The following SLC41A2 variants were observed in gnomAD, a reference collection of about 807,000 sequenced individuals.
SLC41A2 encodes solute carrier family 41 member 2, also known as SLC41A1-like 1.
SLC41A2 carries 32 observed loss-of-function variants against 58.3 expected under a neutral mutation model. The ratio of observed to expected loss-of-function variants is 0.55; its 90% confidence interval spans 0.41 to 0.74. The LOEUF (loss-of-function observed/expected upper bound fraction) is 0.74. Among genes scored for constraint, SLC41A2 ranks in the 30% least tolerant of loss-of-function variants. SLC41A2 has a pLI of 0.00. For missense variants in SLC41A2, 514 were observed against 680.6 expected, an observed-to-expected ratio of 0.76 and a Z score of 2.72; for synonymous variants, 190 against 235.0, an observed-to-expected ratio of 0.81 and a Z score of 1.75.
At chr12:104,894,597 C>A (rs1702112391) in intron 4 of SLC41A2, among the ~76,000 whole-genome samples, 1 of 152,164 alleles carries the variant, frequency 6.6e-6, no homozygotes, top group Non-Finnish European at 1.5e-5. Flanking sequence ...TCTGTTCCTG[C>A]AACCAGGTTC....
At chr12:104,835,497 C>T (rs1209614200) in intron 10 of SLC41A2, among the ~76,000 whole-genome samples, 1 of 152,130 alleles carries the variant, frequency 6.6e-6, no homozygotes, top group Admixed American at 6.6e-5. Context: ...TTGCCTAATG[C>T]TACTCCTTTT....
chr12:104,808,428 T>C lies in SLC41A2; in HGVS notation c.1537-3091A>G, dbSNP rs536336725. Among the ~76,000 whole-genome samples the C allele has an allele frequency of 3.2e-3, 481 of 152,312 alleles. 2 individuals carry two copies. Among genetic ancestry groups the C allele is most frequent in the African/African-American group, 0.011 (461 of 41,570 alleles). On this transcript the variant is annotated intron_variant, in intron 10 of 10. Transcript: ENST00000258538. ...CCCAGGGATGAAGCCCACTTGATCA[T>C]GGTGGATAAGCTTTTTGATGTGCTG... is the stretch of plus-strand genomic sequence containing the variant.
chr12:104,933,900 T>C (rs2047163165), intron 1 of SLC41A2, among the ~76,000 whole-genome samples: 2 of 151,932 alleles, frequency 1.3e-5, no homozygotes, highest in Non-Finnish European at 2.9e-5. Context: ...AGTGGTATAA[T>C]GGACACTGGA....
intron 10 of SLC41A2, among the ~76,000 whole-genome samples, chr12:104,817,547 G>A (rs191812324): frequency 9.3e-5 from 14 of 150,958 alleles, no homozygotes; most frequent in East Asian, 3.9e-4. Flanking sequence ...TCTTTATATC[G>A]TTATCCTATA....
At chr12:104,948,880 T>C (rs904604394) in intron 1 of SLC41A2, among the ~76,000 whole-genome samples, 8 of 152,238 alleles carry the variant, frequency 5.3e-5, no homozygotes, top group South Asian at 2.1e-4. Context: ...CTCTGATCCA[T>C]AGGTGAACTA....
chr12:104,913,957 G>A (rs1467577737), intron 2 of SLC41A2, among the ~76,000 whole-genome samples: 3 of 152,088 alleles, frequency 2.0e-5, no homozygotes, highest in Non-Finnish European at 4.4e-5. Flanking sequence ...AGCTCCTTAG[G>A]AGGCCGAGGC....
intron 6 of SLC41A2, among the ~76,000 whole-genome samples, chr12:104,882,254 G>A (rs368666094): frequency 1.3e-5 from 2 of 152,004 alleles, no homozygotes; most frequent in East Asian, 3.9e-4. Flanking sequence ...ACACTGATGG[G>A]TCTTGACTCT....
intron 1 of SLC41A2, among the ~76,000 whole-genome samples, chr12:104,943,656 G>A (rs1302320064): frequency 6.6e-6 from 1 of 152,144 alleles, no homozygotes; most frequent in Non-Finnish European, 1.5e-5. Context: ...GCAGGAAGCA[G>A]TTAGAGCGGT....
intron 10 of SLC41A2, among the ~76,000 whole-genome samples, chr12:104,837,033 T>C (rs2042235539): frequency 2.0e-5 from 3 of 152,196 alleles, no homozygotes; most frequent in Non-Finnish European, 4.4e-5. Context: ...CTATACTTCC[T>C]AGTTTGCCTA....
At chr12:104,812,729 G>C (rs2041227136) in intron 10 of SLC41A2, among the ~76,000 whole-genome samples, 1 of 152,052 alleles carries the variant, frequency 6.6e-6, no homozygotes, top group South Asian at 2.1e-4. Flanking sequence ...GGGCACCAAA[G>C]CCAGACCAGG....
intron 3 of SLC41A2, among the ~76,000 whole-genome samples, chr12:104,897,144 C>CTTTTTTTTTTTTTTTTT: frequency 8.3e-6 from 1 of 120,290 alleles, no homozygotes; most frequent in Non-Finnish European, 1.7e-5. Flanking sequence ...TTTCTTTTTT[C>CTTTTTTTTTTTTTTTTT]TTTTTTTTTT....
chr12:104,862,542 A>T (rs1031130849), intron 7 of SLC41A2, among the ~76,000 whole-genome samples: 1 of 152,204 alleles, frequency 6.6e-6, no homozygotes, highest in Non-Finnish European at 1.5e-5. Context: ...TTACTATAGA[A>T]AAAATTAGAA....
At chr12:104,831,702 T>G (rs1014100952) in intron 10 of SLC41A2, among the ~76,000 whole-genome samples, 1 of 152,174 alleles carries the variant, frequency 6.6e-6, no homozygotes, top group Non-Finnish European at 1.5e-5. Context: ...TAGAGAACCT[T>G]GTCAGGTGCT....
chr12:104,825,509 C>G (rs1342464981), intron 10 of SLC41A2, among the ~76,000 whole-genome samples: 1 of 152,202 alleles, frequency 6.6e-6, no homozygotes, highest in African/African-American at 2.4e-5. Context: ...GAATCTCCCC[C>G]TTTTTGCCCC....
chr12:104,887,486 T>C (rs1021915193), intron 5 of SLC41A2, among the ~76,000 whole-genome samples: 1 of 151,876 alleles, frequency 6.6e-6, no homozygotes, highest in South Asian at 2.1e-4. Context: ...CCTTATATTT[T>C]AGTATTCTGG....
chr12:104,804,461 A>G lies in SLC41A2; in HGVS notation c.*691T>C, dbSNP rs2040822756. 1 of 152,186 alleles carries G rather than the reference A, an allele frequency of 6.6e-6. No homozygotes were observed. The highest frequency in any genetic ancestry group is 2.4e-5 in the African/African-American group (1 of 41,448). 9.4% of individuals were successfully genotyped at this position (152,186 alleles called of 1,614,324 possible). ...AAACACATCAACATTTTTCCAACAA[A>G]TCAATCATCAAAAAATGACTCACTG... is the stretch of plus-strand genomic sequence containing the variant. On this transcript the variant is annotated 3_prime_UTR_variant, in exon 11 of 11. Transcript: ENST00000258538.
intron 1 of SLC41A2, among the ~76,000 whole-genome samples, chr12:104,937,527 C>T (rs1418873427): frequency 6.6e-6 from 1 of 152,148 alleles, no homozygotes; most frequent in Non-Finnish European, 1.5e-5. Flanking sequence ...ACAGCCTTGG[C>T]GTGTGGTAGG....
intron 6 of SLC41A2, among the ~76,000 whole-genome samples, chr12:104,872,387 A>G (rs2043829671): frequency 6.6e-6 from 1 of 152,200 alleles, no homozygotes; most frequent in Non-Finnish European, 1.5e-5. Flanking sequence ...GGAAAATTGC[A>G]TATTTACTTC....
chr12:104,909,084 T>C (rs1293702849), intron 3 of SLC41A2, among the ~76,000 whole-genome samples: 2 of 152,190 alleles, frequency 1.3e-5, no homozygotes, highest in Non-Finnish European at 2.9e-5. Context: ...TATTTTTAAA[T>C]GGAGATCACA....
Sources: allele counts gnomAD v4.1 joint callset (sites outside exome capture counted in the v4.1 genomes callset), GRCh38; gene constraint gnomAD v4.1.1; transcripts MANE v1.5; gene names NCBI Gene and HGNC (gene_info 2026-07-23, HGNC 2026-07-21).